RAB3C: variants seen among roughly 807,000 people sequenced by gnomAD.
RAB3C encodes the protein RAB3C, member RAS oncogene family, also known as ras-related protein Rab-3C.
RAB3C carries 17 observed loss-of-function variants against 26.4 expected under a neutral mutation model. The observed-to-expected ratio is 0.64, with a 90% CI of 0.44 to 0.97. RAB3C has a LOEUF of 0.97. Among genes scored for constraint, RAB3C ranks in the 50% least tolerant of loss-of-function variants. RAB3C has a pLI of 0.00. For missense variants in RAB3C, 242 were observed against 281.9 expected (o/e 0.86, Z 1.01); for synonymous variants, 91 against 95.9 (o/e 0.95, Z 0.30).
At chr5:58,693,336 G>GTATTTA (rs1341115094) in intron 2 of RAB3C, among the ~76,000 whole-genome samples, 2 of 111,774 alleles carry the variant, frequency 1.8e-5, no homozygotes, top group African/African-American at 3.7e-5. Flanking sequence ...ATATATATGT[G>GTATTTA]TATATATATA....
upstream of RAB3C, chr5:58,582,985 G>A (rs1167093901): frequency 4.7e-6 from 6 of 1,287,444 alleles, no homozygotes; most frequent in South Asian, 1.7e-5. Context: ...CCCGTTTGCC[G>A]GGAACACCCG....
At chr5:58,845,848 A>G (rs1443915523) in intron 4 of RAB3C, among the ~76,000 whole-genome samples, 1 of 151,758 alleles carries the variant, frequency 6.6e-6, no homozygotes, top group Non-Finnish European at 1.5e-5. Context: ...GCCCATCAGC[A>G]TTCACTCTGC....
chr5:58,737,815 C>T (rs1030784320), intron 3 of RAB3C, among the ~76,000 whole-genome samples: 6 of 151,956 alleles, frequency 3.9e-5, no homozygotes, highest in Admixed American at 3.9e-4. Context: ...GGAGGCACTG[C>T]CTGTTTTACC....
intron 2 of RAB3C, chr5:58,647,662 G>A (rs1169610642): frequency 6.6e-6 from 1 of 152,154 alleles, no homozygotes; most frequent in Non-Finnish European, 1.5e-5. Context: ...GTGCCTTCAG[G>A]CAGCCTCACA....
At chr5:58,686,257 T>A (rs1561288964) in intron 2 of RAB3C, among the ~76,000 whole-genome samples, 2 of 151,878 alleles carry the variant, frequency 1.3e-5, no homozygotes, top group Non-Finnish European at 2.9e-5. Flanking sequence ...TAGGAAAGAG[T>A]GAAAGACAAA....
chr5:58,754,590 C>T (rs765890315), intron 3 of RAB3C, among the ~76,000 whole-genome samples: 2 of 152,136 alleles, frequency 1.3e-5, no homozygotes, highest in Non-Finnish European at 2.9e-5. Flanking sequence ...GTGCGAATTA[C>T]CCAGTTACCC....
intron 3 of RAB3C, among the ~76,000 whole-genome samples, chr5:58,764,146 T>G (rs1741850924): frequency 6.6e-6 from 1 of 152,218 alleles, no homozygotes; most frequent in Non-Finnish European, 1.5e-5. Context: ...GCTGTAAGGA[T>G]GCAGAAGTAC....
At chr5:58,750,316 T>C (rs946152117) in intron 3 of RAB3C, among the ~76,000 whole-genome samples, 29 of 152,210 alleles carry the variant, frequency 1.9e-4, no homozygotes, top group Non-Finnish European at 1.3e-4. Flanking sequence ...GTAAGATATA[T>C]GGTTGGTACT....
intron 2 of RAB3C, among the ~76,000 whole-genome samples, chr5:58,723,501 T>C (rs181886041): frequency 6.6e-6 from 1 of 151,940 alleles, no homozygotes; most frequent in African/African-American, 2.4e-5. Context: ...CTTGGATCAC[T>C]CTTCTCTAAA....
At chr5:58,590,345 G>A (rs898978112) in intron 1 of RAB3C, among the ~76,000 whole-genome samples, 22 of 151,784 alleles carry the variant, frequency 1.4e-4, no homozygotes, top group African/African-American at 3.1e-4. Flanking sequence ...AGGTTTCTCC[G>A]TCTCTCTCAT....
In RAB3C at chr5:58,681,584, A is replaced by G. The variant is rs536145303; in HGVS notation, c.253-44418A>G. ...CTGTTACCTGCAGGAATAAGTTTAT[A>G]GTTGTAAGAACAAATCTTTAGTATG... On this transcript the variant is annotated intron_variant, in intron 2 of 4. Coordinates refer to ENST00000282878, the MANE Select transcript of RAB3C (RefSeq NM_138453.4). 3.3e-5 allele frequency among the ~76,000 whole-genome samples: 5 copies of G among 152,358 alleles called. No homozygotes were observed. The East Asian group carries it at 9.6e-4, about 29-fold the overall frequency.
chr5:58,733,144 CTGTT>C (rs1741062456), intron 3 of RAB3C, among the ~76,000 whole-genome samples: 2 of 152,158 alleles, frequency 1.3e-5, no homozygotes. Flanking sequence ...CGAAGATAGT[CTGTT>C]TATCTTCCCC....
At chr5:58,651,215 C>G (rs926988343) in intron 2 of RAB3C, among the ~76,000 whole-genome samples, 4 of 152,220 alleles carry the variant, frequency 2.6e-5, no homozygotes, top group Non-Finnish European at 5.9e-5. Flanking sequence ...GGTAGAAATG[C>G]TGATCTGCAC....
At chr5:58,593,097 A>C (rs1746173784) in intron 1 of RAB3C, among the ~76,000 whole-genome samples, 1 of 152,124 alleles carries the variant, frequency 6.6e-6, no homozygotes, top group African/African-American at 2.4e-5. Flanking sequence ...CGGTTCATTA[A>C]AAAATTTTTC....
At chr5:58,721,357 T>C (rs1740755921) in intron 2 of RAB3C, among the ~76,000 whole-genome samples, 2 of 148,294 alleles carry the variant, frequency 1.3e-5, no homozygotes, top group Admixed American at 1.3e-4. Flanking sequence ...TTTCCAGTTG[T>C]TTTTTTCAGT....
At chr5:58,807,197 C>G (rs1459553255) in intron 3 of RAB3C, among the ~76,000 whole-genome samples, 1 of 152,166 alleles carries the variant, frequency 6.6e-6, no homozygotes, top group Non-Finnish European at 1.5e-5. Context: ...TTTAAAGCAG[C>G]AGGCAGCATA....
intron 3 of RAB3C, among the ~76,000 whole-genome samples, chr5:58,744,542 C>T (rs1741351584): frequency 1.3e-5 from 2 of 152,316 alleles, no homozygotes; most frequent in East Asian, 1.9e-4. Flanking sequence ...TGAAAAGAAA[C>T]CGCAGTGCAT....
At chr5:58,618,697 T>C (rs1746874647) in intron 2 of RAB3C, among the ~76,000 whole-genome samples, 1 of 152,142 alleles carries the variant, frequency 6.6e-6, no homozygotes, top group African/African-American at 2.4e-5. Flanking sequence ...CAAAAAAGAC[T>C]GATGTAGTAA....
intron 2 of RAB3C, among the ~76,000 whole-genome samples, chr5:58,654,618 A>G (rs1747727419): frequency 6.6e-6 from 1 of 152,152 alleles, no homozygotes; most frequent in South Asian, 2.1e-4. Flanking sequence ...ATAAAAAGTC[A>G]TTATAAGGTT....
Sources: allele counts gnomAD v4.1 joint callset (sites outside exome capture counted in the v4.1 genomes callset), GRCh38; gene constraint gnomAD v4.1.1; transcripts MANE v1.5; gene names NCBI Gene and HGNC (gene_info 2026-07-23, HGNC 2026-07-21).